The following B4GALT3 variants were observed in gnomAD, a reference collection of about 807,000 sequenced individuals.
B4GALT3 encodes N-acetyllactosamine synthase.
Under a neutral mutation model 40.7 loss-of-function variants are expected in B4GALT3, and 29 were observed. The ratio of observed to expected loss-of-function variants is 0.71; its 90% CI spans 0.53 to 0.97. B4GALT3 has a LOEUF of 0.97. B4GALT3 is among the 50% of genes least tolerant of loss of function. B4GALT3 has a pLI of 0.00. For synonymous variants in B4GALT3, 182 were observed against 203.9 expected (o/e 0.89, Z 0.92); for missense variants, 390 against 522.3 (o/e 0.75, Z 2.47).
At chr1:161,173,553 G>A in intron 6 of B4GALT3, 52 bp downstream of exon 6, 5 of 1,611,790 alleles carry the variant, frequency 3.1e-6, no homozygotes, top group East Asian at 2.2e-5. Context: ...TGGTCTTAGA[G>A]GACAGGGATC....
rs371235014 is a variant in B4GALT3 at position 161,171,890 on chromosome 1, G to C, written c.1108C>G (p.Leu370Val). The C allele has an allele frequency of 1.1e-5, 18 of 1,614,092 alleles. No homozygotes were observed. Among genetic ancestry groups the C allele is most frequent in the Non-Finnish European group, 1.5e-5 (18 of 1,180,038 alleles). The stretch of plus-strand genomic sequence containing the variant: ...GGCCTGGCTGGGGGCCGGCGTTGCA[G>C]CATCTCTTGACGGAAGGCTTGGGAG... ...GSSQAFRQEMLQRRPPARPGP... is the reference protein window; with the variant it reads ...GSSQAFRQEMVQRRPPARPGP... The change falls in exon 8 of 8, where the codon CTG (leucine) becomes GTG (valine). Residue 370 changes from leucine to valine, a missense_variant. By Grantham distance (32) the Leu-to-Val change is conservative. Around this residue, in one of 3 missense-constraint regions of B4GALT3, gnomAD observed 72 missense variants for 71.3 expected, o/e 1.01. Coordinates refer to ENST00000319769, the MANE Select transcript of B4GALT3 (RefSeq NM_003779.4).
Position 161,172,305 on chromosome 1 carries a change from G to A in B4GALT3, c.830C>T (p.Ser277Phe), listed in dbSNP as rs1661747674. 1 of 1,614,056 alleles carries A rather than the reference G, an allele frequency of 6.2e-7. No homozygotes were observed. The highest frequency in any genetic ancestry group is 8.5e-7 in the Non-Finnish European group (1 of 1,179,994). The change falls in exon 7 of 8, where the codon TCT (serine) becomes TTT (phenylalanine). Residue 277 changes from serine to phenylalanine, a missense_variant. Transcript: ENST00000319769. Reference protein sequence around the residue: ...TRVRLAGMKISRPPTSVGHYK... With the variant: ...TRVRLAGMKIFRPPTSVGHYK... ...GTGTCCTACAGATGTGGGGGGCCGAGAGATCTTCATCCCAGCCAGGCGCAC... is the reference window on the plus strand; with the variant it reads ...GTGTCCTACAGATGTGGGGGGCCGAAAGATCTTCATCCCAGCCAGGCGCAC...
rs374151902 is a variant in B4GALT3 at position 161,171,776 on chromosome 1, T to C, written c.*40A>G. The C allele has an allele frequency of 2.0e-5, 32 of 1,607,832 alleles. No homozygotes were observed. Among genetic ancestry groups the C allele is most frequent in the Admixed American group, 8.4e-5 (5 of 59,860 alleles). ...TGAGGGTGGGGAGAATACAACCCCA[T>C]GAATTCGGTTTCATGATTAAGGTAG... On this transcript the variant is annotated 3_prime_UTR_variant, in exon 8 of 8. Coordinates refer to ENST00000319769, the MANE Select transcript of B4GALT3 (RefSeq NM_003779.4).
At position 161,175,215 on chromosome 1, in the gene B4GALT3, C is replaced by G. The variant is rs3813620; in HGVS notation, c.267G>C (p.Ser89=). Residue 89 remains serine (S), a synonymous_variant, in exon 4 of 8, where the codon TCG becomes TCC. Coordinates refer to ENST00000319769, the MANE Select transcript of B4GALT3 (RefSeq NM_003779.4). ...ERSPLLVGPV[S]VSFSPVPSLA... ...GTGATGGCACTGGGCTAAAGGACAC[C>G]GACACAGGACCCACTGTTGGGAAGG... 6.2e-6 allele frequency: 10 copies of G among 1,612,058 alleles called. No individual in the cohort carries two copies. In the East Asian group the frequency reaches 2.2e-4, roughly 36 times the overall value.
In B4GALT3 at chr1:161,171,994, T is replaced by C; in HGVS notation, c.1004A>G (p.Tyr335Cys). ...CCCAATGTCTGCTGTGATGTTGGTA[T>C]AAAGAGGCCCCAGCTCTCGAGCCAG... ...QLLARELGPL[Y>C]TNITADIGTD... The change falls in exon 8 of 8, where the codon TAT becomes TGT. Residue 335 changes from tyrosine to cysteine, a missense_variant. Tyr to Cys is a radical substitution (Grantham distance 194). This residue lies in a region of B4GALT3 where 135 missense variants were observed against 227.8 expected (regional missense o/e 0.59). Transcript: ENST00000319769. 1.2e-6 allele frequency: 2 copies of C among 1,614,092 alleles called. No individual in the cohort carries two copies. Among genetic ancestry groups the C allele is most frequent in the Non-Finnish European group, 1.7e-6 (2 of 1,180,010 alleles).
chr1:161,176,273 G>A (rs1663480923), intron 2 of B4GALT3, 161 bp downstream of exon 2: 1 of 649,370 alleles, frequency 1.5e-6, no homozygotes, highest in African/African-American at 1.8e-5. Context: ...TGTCACTTCA[G>A]CCCAAGTTTC....
chr1:161,176,296 C>T lies in B4GALT3; in HGVS notation c.-15+138G>A, dbSNP rs1310087609. Reference sequence around the variant, plus strand: ...CAGCCCAAGTTTCGCTCTCCTCTACCTCCCCCCAAACCACTCCCACCATCT... The same window carrying T: ...CAGCCCAAGTTTCGCTCTCCTCTACTTCCCCCCAAACCACTCCCACCATCT... On this transcript the variant is annotated intron_variant, in intron 2 of 7. Coordinates refer to ENST00000319769, the MANE Select transcript of B4GALT3 (RefSeq NM_003779.4). The T allele has an allele frequency of 1.5e-5, 9 of 598,178 alleles. No homozygotes were observed. The East Asian group carries it at 2.5e-4, about 17-fold the overall frequency. The allele number at this position is 598,178 out of a possible 1,614,324, so 37.1% of individuals were successfully genotyped here.
At position 161,176,426 on chromosome 1, in the gene B4GALT3, A is replaced by C. The variant is rs2101980391; in HGVS notation, c.-15+8T>G. ...CTTCCAATTTTAGAAGGGAAGAGAT[A>C]GACTCACCTAGGTTCAAGCTGTCTT... On this transcript the variant is annotated splice_region_variant and intron_variant, in intron 2 of 7. Coordinates refer to ENST00000319769, the MANE Select transcript of B4GALT3 (RefSeq NM_003779.4). 1 of 395,622 alleles carries C rather than the reference A, an allele frequency of 2.5e-6. No individual in the cohort carries two copies. The highest frequency in any genetic ancestry group is 5.0e-5 in the East Asian group (1 of 19,888). The allele number at this position is 395,622 out of a possible 1,614,324, so 24.5% of individuals were successfully genotyped here. A position where few individuals can be genotyped will look rare whatever the true frequency, so the allele number is the denominator to read the frequency against.
chr1:161,175,764 G>C, intron 3 of B4GALT3, 44 bp downstream of exon 3: 2 of 1,602,728 alleles, frequency 1.2e-6, no homozygotes, highest in Non-Finnish European at 1.7e-6. Context: ...CCCTGTCTCC[G>C]CACCTTGTCC....
intron 3 of B4GALT3, among the ~76,000 whole-genome samples, 200 bp from the exon 4 acceptor site, chr1:161,175,428 G>T (rs1039750146): frequency 3.9e-5 from 6 of 152,076 alleles, no homozygotes; most frequent in African/African-American, 1.4e-4. Context: ...TCCTTACCTA[G>T]CCTTCTCTTC....
At chr1:161,177,085 G>A (rs1255062562) in intron 1 of B4GALT3, 4 of 1,533,494 alleles carry the variant, frequency 2.6e-6, no homozygotes, top group African/African-American at 2.7e-5. Context: ...TCTTCTAGCG[G>A]GGGTGGGGAG....
intron 4 of B4GALT3, among the ~76,000 whole-genome samples, chr1:161,174,402 C>CAAAAAAAAAA (rs554703903): frequency 1.8e-5 from 1 of 55,780 alleles, no homozygotes. Context: ...AGTGAGATCT[C>CAAAAAAAAAA]AAAAAAAAAA....
intron 6 of B4GALT3, among the ~76,000 whole-genome samples, chr1:161,173,278 T>C (rs1662160996): frequency 6.6e-6 from 1 of 152,140 alleles, no homozygotes; most frequent in African/African-American, 2.4e-5. Flanking sequence ...CCTAACCCCA[T>C]AGGAAGTGGC....
At chr1:161,177,395 C>A in intron 1 of B4GALT3, 28 bp downstream of exon 1, 1 of 274,746 alleles carries the variant, frequency 3.6e-6, no homozygotes, top group Non-Finnish European at 7.1e-6. Flanking sequence ...CCCAGGCCTC[C>A]GTGTCGACGC....
In B4GALT3 at chr1:161,175,889, G is replaced by A. The variant is rs763456046; in HGVS notation, c.172C>T (p.Leu58Phe). ...YSHPRDVYSNLSHLPGAPGGP... is the reference protein window; with the variant it reads ...YSHPRDVYSNFSHLPGAPGGP... ...CCTGGGGCCCCAGGCAGGTGACTGA[G>A]GTTACTGTAGACATCACGAGGGTGA... is the stretch of plus-strand genomic sequence containing the variant. The change falls in exon 3 of 8, where the codon CTC becomes TTC. Residue 58 changes from leucine to phenylalanine, a missense_variant. Physicochemically the swap from Leu to Phe is conservative, Grantham distance 22. Around this residue, in one of 3 missense-constraint regions of B4GALT3, gnomAD observed 183 missense variants for 223.2 expected, o/e 0.82. Coordinates refer to ENST00000319769, the MANE Select transcript of B4GALT3 (RefSeq NM_003779.4). 7 of 1,614,184 alleles carry A rather than the reference G, an allele frequency of 4.3e-6. No individual in the cohort carries two copies. Among genetic ancestry groups the A allele is most frequent in the Non-Finnish European group, 5.1e-6 (6 of 1,180,044 alleles).
chr1:161,172,447 A>G (rs1661801458), intron 6 of B4GALT3, 116 bp from the exon 7 acceptor site: 2 of 859,706 alleles, frequency 2.3e-6, no homozygotes, highest in Non-Finnish European at 3.5e-6. Flanking sequence ...AAAGAAAAAA[A>G]AAGCCCAGGA....
intron 6 of B4GALT3, among the ~76,000 whole-genome samples, chr1:161,172,955 C>T (rs1662024611): frequency 6.6e-6 from 1 of 151,884 alleles, no homozygotes; most frequent in African/African-American, 2.4e-5. Context: ...CCACTTCTGA[C>T]ACACAGAAGC....
intron 1 of B4GALT3, chr1:161,176,990 C>T: frequency 6.5e-7 from 1 of 1,536,060 alleles, no homozygotes; most frequent in Non-Finnish European, 8.7e-7. Context: ...GGACCGTGAC[C>T]ACCTGGGGGC....
Position 161,176,087 on chromosome 1 carries a change from A to T in B4GALT3, c.-14-13T>A, listed in dbSNP as rs933647940. Reference sequence around the variant, plus strand: ...CTGGGGGTGAGATCTAGGGAGGGAGAGGGGAATTCTGGGGGTAGGCAGGAA... The same window carrying T: ...CTGGGGGTGAGATCTAGGGAGGGAGTGGGGAATTCTGGGGGTAGGCAGGAA... On this transcript the variant is annotated splice_polypyrimidine_tract_variant and intron_variant, in intron 2 of 7. Coordinates refer to ENST00000319769, the MANE Select transcript of B4GALT3 (RefSeq NM_003779.4). 4 of 1,611,132 alleles carry T rather than the reference A, an allele frequency of 2.5e-6. No individual in the cohort carries two copies. The Admixed American group carries it at 6.7e-5, about 27-fold the overall frequency.
Sources: gnomAD v4.1 joint callset for allele counts (sites outside exome capture counted in the v4.1 genomes callset) on GRCh38, gnomAD v4.1.1 for gene constraint, gnomAD v4.1.1 regional missense constraint, MANE v1.5 for transcripts, NCBI Gene and HGNC (gene_info 2026-07-23, HGNC 2026-07-21) for gene names.